PIP5K1B: variants seen among roughly 807,000 people sequenced by gnomAD.
PIP5K1B encodes phosphatidylinositol-4-phosphate 5-kinase type 1 beta.
Under a neutral mutation model 67.0 loss-of-function variants are expected in PIP5K1B, and 42 were observed. The ratio of observed to expected loss-of-function variants is 0.63; its 90% confidence interval spans 0.49 to 0.81. The LOEUF is 0.81. Ranked by LOEUF, PIP5K1B falls within the 30% of genes least tolerant of loss-of-function variation. The pLI is 0.00. For missense variants in PIP5K1B, 459 were observed against 646.3 expected (o/e 0.71, Z 3.14); for synonymous variants, 214 against 231.4 (o/e 0.92, Z 0.68).
At chr9:68,995,235 A>G (rs72722058) in intron 15 of PIP5K1B, among the ~76,000 whole-genome samples, 26 of 150,788 alleles carry the variant, frequency 1.7e-4, no homozygotes, top group Admixed American at 3.3e-4. Flanking sequence ...GGGAGAAAGA[A>G]AGAGAGAAAG....
At chr9:68,961,216 C>CAAA (rs544251006) in intron 14 of PIP5K1B, among the ~76,000 whole-genome samples, 2 of 56,330 alleles carry the variant, frequency 3.6e-5, no homozygotes, top group African/African-American at 1.5e-4. Flanking sequence ...GACTCCGTCT[C>CAAA]AAAAAAAAAA....
intron 15 of PIP5K1B, among the ~76,000 whole-genome samples, chr9:68,995,214 A>AGGGAG (rs1564303160): frequency 3.8e-5 from 5 of 133,140 alleles, no homozygotes; most frequent in African/African-American, 8.4e-5. Context: ...AGGGAAGGGA[A>AGGGAG]GGGAGGGGAG....
At chr9:68,750,271 C>T (rs1587385868) in intron 2 of PIP5K1B, among the ~76,000 whole-genome samples, 1 of 152,130 alleles carries the variant, frequency 6.6e-6, no homozygotes, top group Non-Finnish European at 1.5e-5. Context: ...CCTTCATTGC[C>T]CTCCCCTCTC....
At chr9:68,840,308 C>T (rs1162142774) in intron 4 of PIP5K1B, among the ~76,000 whole-genome samples, 2 of 150,822 alleles carry the variant, frequency 1.3e-5, no homozygotes, top group Non-Finnish European at 2.9e-5. Context: ...ACCCAGGAGG[C>T]GGAGGTTGTA....
At chr9:68,836,626 TAC>T (rs137946479) in intron 4 of PIP5K1B, among the ~76,000 whole-genome samples, 5 of 151,316 alleles carry the variant, frequency 3.3e-5, no homozygotes, top group African/African-American at 7.3e-5. Flanking sequence ...CACATACATC[TAC>T]ACACACACAC....
At position 68,728,168 on chromosome 9, in the gene PIP5K1B, T is replaced by G. The variant is rs1005071546; in HGVS notation, c.-242-14333T>G. ...GAATATTGTCTTTGCCCATTCTGGC[T>G]GCTATTACAAAATACTGTAGATTGA... is the stretch of plus-strand genomic sequence containing the variant. On this transcript the variant is annotated intron_variant, in intron 1 of 15. Transcript: ENST00000265382. Among the ~76,000 whole-genome samples, 35 of 152,198 alleles carry G rather than the reference T, an allele frequency of 2.3e-4. 1 individual carries two copies. Among genetic ancestry groups the G allele is most frequent in the African/African-American group, 8.4e-4 (35 of 41,440 alleles).
intron 1 of PIP5K1B, among the ~76,000 whole-genome samples, chr9:68,710,620 G>A (rs995342186): frequency 6.6e-6 from 1 of 152,144 alleles, no homozygotes. Context: ...CAGGAATCCT[G>A]CCCAAACTAG....
chr9:68,968,477 C>T (rs924504297), intron 14 of PIP5K1B, among the ~76,000 whole-genome samples: 1 of 141,280 alleles, frequency 7.1e-6, no homozygotes, highest in African/African-American at 2.6e-5. Flanking sequence ...CGTAATCAGC[C>T]TGAGTGAGAG....
At chr9:68,774,313 T>C (rs1047200803) in intron 2 of PIP5K1B, among the ~76,000 whole-genome samples, 4 of 152,138 alleles carry the variant, frequency 2.6e-5, no homozygotes, top group African/African-American at 9.7e-5. Context: ...TTTAGGGGTG[T>C]GTGTGTTTCT....
rs138834100 is a variant in PIP5K1B at position 68,917,359 on chromosome 9, A to T, written c.772-189A>T. On this transcript the variant is annotated intron_variant, in intron 8 of 15. Transcript: ENST00000265382. ...AAATTCCCATCTTGGAGCCATTGTG[A>T]TAATCCTTCCTGCATGTGGCCTAAT... Among the ~76,000 whole-genome samples the T allele has an allele frequency of 3.9e-3, 596 of 152,280 alleles. 1 individual carries two copies. The highest frequency in any genetic ancestry group is 6.4e-3 in the Non-Finnish European group (438 of 68,024).
chr9:68,939,436 G>A (rs555105851), intron 13 of PIP5K1B, among the ~76,000 whole-genome samples: 2 of 152,286 alleles, frequency 1.3e-5, no homozygotes, highest in African/African-American at 4.8e-5. Flanking sequence ...TCAATGTTAT[G>A]GAGAGTTTTC....
intron 1 of PIP5K1B, among the ~76,000 whole-genome samples, chr9:68,732,018 C>T (rs549499636): frequency 2.0e-5 from 3 of 152,270 alleles, no homozygotes; most frequent in Admixed American, 6.5e-5. Context: ...TCTCTGTCTT[C>T]GAGGGATTCC....
chr9:68,867,943 C>T (rs1399628297), intron 5 of PIP5K1B, among the ~76,000 whole-genome samples: 2 of 152,094 alleles, frequency 1.3e-5, no homozygotes, highest in Non-Finnish European at 2.9e-5. Flanking sequence ...CAACCAAATG[C>T]ATTGTGTTTT....
chr9:68,964,156 T>G (rs2132768475), intron 14 of PIP5K1B: 1 of 152,348 alleles, frequency 6.6e-6, no homozygotes, highest in Admixed American at 6.5e-5. Flanking sequence ...TTAAGACTGC[T>G]GTTGTATCCA....
At chr9:68,721,241 C>A (rs904853634) in intron 1 of PIP5K1B, among the ~76,000 whole-genome samples, 1 of 151,916 alleles carries the variant, frequency 6.6e-6, no homozygotes, top group African/African-American at 2.4e-5. Flanking sequence ...GCAACATGAG[C>A]AATAGTTTAG....
chr9:68,985,284 C>A (rs1830053431), intron 14 of PIP5K1B, among the ~76,000 whole-genome samples: 1 of 150,438 alleles, frequency 6.6e-6, no homozygotes, highest in Non-Finnish European at 1.5e-5. Flanking sequence ...CAGAGTCTCA[C>A]TCTGTCGCCC....
At chr9:68,936,318 T>G (rs899489646) in intron 13 of PIP5K1B, among the ~76,000 whole-genome samples, 1 of 152,180 alleles carries the variant, frequency 6.6e-6, no homozygotes, top group Non-Finnish European at 1.5e-5. Flanking sequence ...TTTGCTGTAT[T>G]TGATACCCAT....
intron 15 of PIP5K1B, among the ~76,000 whole-genome samples, chr9:68,992,143 T>A (rs912182577): frequency 6.6e-6 from 1 of 151,968 alleles, no homozygotes; most frequent in African/African-American, 2.4e-5. Context: ...TTTTGTATTT[T>A]TAGTAGAGAC....
At chr9:68,935,099 C>A in intron 13 of PIP5K1B, 54 bp downstream of exon 13, 1 of 1,471,562 alleles carries the variant, frequency 6.8e-7, no homozygotes, top group Non-Finnish European at 9.3e-7. Context: ...TTTATTTATA[C>A]AAGTAAATTT....
Sources: allele counts gnomAD v4.1 joint callset (sites outside exome capture counted in the v4.1 genomes callset), GRCh38; gene constraint gnomAD v4.1.1; transcripts MANE v1.5; gene names NCBI Gene and HGNC (gene_info 2026-07-23, HGNC 2026-07-21).